RIMBP2: variants seen among roughly 807,000 people sequenced by gnomAD.
RIMBP2 encodes the protein RIMS binding protein 2.
A neutral mutation model predicts 118.6 loss-of-function variants in RIMBP2; 48 were observed. The observed-to-expected ratio is 0.40, with a 90% CI of 0.32 to 0.51. RIMBP2 has a LOEUF of 0.51. Ranked by LOEUF, RIMBP2 falls within the 20% of genes least tolerant of loss-of-function variation. The pLI is 0.41. For synonymous variants in RIMBP2, 762 were observed against 742.9 expected, an observed-to-expected ratio of 1.03 and a Z score of -0.42; for missense variants, 1,551 against 1,768.3, an observed-to-expected ratio of 0.88 and a Z score of 2.20.
At position 130,622,108 on chromosome 12, in the gene RIMBP2, A is replaced by G. The variant is rs976462754; in HGVS notation, c.-217+6214T>C. ...CATTTTAACTAGACATTTCCGCACA[A>G]ATAAAATTAGGCCGAGACAGTTAGT... On this transcript the variant is annotated intron_variant, in intron 2 of 22. Transcript: ENST00000690449. The surrounding 1 kb of genome is among the most constrained non-coding windows in gnomAD (Gnocchi z 8.5). Among the ~76,000 whole-genome samples the G allele has an allele frequency of 6.6e-6, 1 of 152,210 alleles. No individual in the cohort carries two copies. Among genetic ancestry groups the G allele is most frequent in the African/African-American group, 2.4e-5 (1 of 41,460 alleles).
At chr12:130,655,595 G>A (rs1373402453) in intron 1 of RIMBP2, among the ~76,000 whole-genome samples, 2 of 152,162 alleles carry the variant, frequency 1.3e-5, no homozygotes, top group South Asian at 2.1e-4. Context: ...TATGATCTAT[G>A]TTTGTAAATG....
intron 17 of RIMBP2, among the ~76,000 whole-genome samples, chr12:130,417,130 A>G (rs895829582): frequency 3.3e-5 from 5 of 152,224 alleles, no homozygotes; most frequent in East Asian, 1.9e-4. Context: ...TTAAAAATGT[A>G]TATACCATTG....
At chr12:130,618,717 C>T (rs1036754805) in intron 2 of RIMBP2, among the ~76,000 whole-genome samples, 5 of 152,138 alleles carry the variant, frequency 3.3e-5, no homozygotes, top group Non-Finnish European at 7.3e-5. Flanking sequence ...TAGACGGAAA[C>T]ATCTTTATAG....
intron 1 of RIMBP2, among the ~76,000 whole-genome samples, chr12:130,639,487 C>CAAAAAAAAAAAA (rs138670754): frequency 4.5e-5 from 4 of 88,086 alleles, no homozygotes; most frequent in African/African-American, 1.5e-4. Flanking sequence ...GATCCTGCCT[C>CAAAAAAAAAAAA]AAAAAAAAAA....
At position 130,511,687 on chromosome 12, in the gene RIMBP2, C is replaced by T. The variant is rs1270195216; in HGVS notation, c.-126-4917G>A. 6.6e-6 allele frequency among the ~76,000 whole-genome samples: 1 copy of T among 152,214 alleles called. No homozygotes were observed. The highest frequency in any genetic ancestry group is 6.5e-5 in the Admixed American group (1 of 15,292). ...GACTGAGACCGTCTGTGACACGGTT[C>T]TGATGAGCCTGGAGCAGAAATCTCT... is the stretch of plus-strand genomic sequence containing the variant. On this transcript the variant is annotated intron_variant, in intron 3 of 22. Transcript: ENST00000690449. This position sits in a 1 kb window ranked among gnomAD's most constrained non-coding sequence, Gnocchi z 4.3.
At chr12:130,470,835 C>G in intron 5 of RIMBP2, 92 bp from the exon 6 acceptor site, 1 of 650,550 alleles carries the variant, frequency 1.5e-6, no homozygotes, top group Non-Finnish European at 2.2e-6. Flanking sequence ...GGTGGGGGAT[C>G]ATTTATTTTT....
At chr12:130,439,427 G>A (rs1423097792) in intron 11 of RIMBP2, among the ~76,000 whole-genome samples, 1 of 149,232 alleles carries the variant, frequency 6.7e-6, no homozygotes, top group Non-Finnish European at 1.5e-5. Context: ...ATGGGTATAT[G>A]TGTATGTGGG....
intron 2 of RIMBP2, among the ~76,000 whole-genome samples, chr12:130,568,935 T>C (rs1265601869): frequency 6.6e-6 from 1 of 151,980 alleles, no homozygotes; most frequent in African/African-American, 2.4e-5. Context: ...CCACGTGCCC[T>C]CCTCACACAG....
intron 4 of RIMBP2, among the ~76,000 whole-genome samples, chr12:130,481,922 ACCC>A (rs931647698): frequency 4.6e-5 from 6 of 130,906 alleles, no homozygotes; most frequent in African/African-American, 1.7e-4. Flanking sequence ...TTTCCCCCCG[ACCC>A]CCCAAGCCGC....
At chr12:130,426,824 AAAAGGAAAG>A (rs1428489533) in intron 15 of RIMBP2, 1 of 151,930 alleles carries the variant, frequency 6.6e-6, no homozygotes, top group African/African-American at 2.4e-5. Context: ...TTCCTCCATC[AAAAGGAAAG>A]GCATCAGGGG....
chr12:130,531,592 A>C (rs1306890658), intron 2 of RIMBP2, among the ~76,000 whole-genome samples: 1 of 152,252 alleles, frequency 6.6e-6, no homozygotes, highest in Non-Finnish European at 1.5e-5. Flanking sequence ...GGATGATTCC[A>C]GTTTGAGACC....
At chr12:130,505,107 C>A (rs965830316) in intron 4 of RIMBP2, among the ~76,000 whole-genome samples, 4 of 152,164 alleles carry the variant, frequency 2.6e-5, no homozygotes, top group African/African-American at 9.7e-5. Context: ...GTCATCGAGG[C>A]AGCTGCTTAA....
At chr12:130,399,626 C>T (rs2074337785) in intron 22 of RIMBP2, 53 bp downstream of exon 22, 37 of 1,596,132 alleles carry the variant, frequency 2.3e-5, no homozygotes, top group Non-Finnish European at 3.2e-5. Flanking sequence ...TTGTATTAGA[C>T]CACATATGGC....
rs370561648 is a variant in RIMBP2 at position 130,708,619 on chromosome 12, G to C, written c.-352+7603C>G. On this transcript the variant is annotated intron_variant, in intron 1 of 22. Coordinates refer to ENST00000690449, the MANE Select transcript of RIMBP2 (RefSeq NM_001393629.1). ...GGAGGATCACCTCAGCCTGTAGGTC[G>C]AGGCTGCAGTGAACCGGGATTATGC... 2.6e-4 allele frequency among the ~76,000 whole-genome samples: 39 copies of C among 152,220 alleles called. No individual in the cohort carries two copies. The East Asian group carries it at 2.9e-3, about 11-fold the overall frequency.
intron 2 of RIMBP2, among the ~76,000 whole-genome samples, chr12:130,543,320 C>A (rs2139588692): frequency 6.6e-6 from 1 of 152,250 alleles, no homozygotes; most frequent in South Asian, 2.1e-4. Flanking sequence ...TAGCCATGTG[C>A]CCCCAAATAT....
At chr12:130,408,461 G>A (rs1246983138) in intron 19 of RIMBP2, among the ~76,000 whole-genome samples, 1 of 152,224 alleles carries the variant, frequency 6.6e-6, no homozygotes, top group Non-Finnish European at 1.5e-5. Context: ...AGTCGACTTA[G>A]AGGTGCATTC....
intron 7 of RIMBP2, among the ~76,000 whole-genome samples, chr12:130,451,706 G>C (rs562030512): frequency 1.3e-5 from 2 of 152,272 alleles, no homozygotes; most frequent in African/African-American, 4.8e-5. Context: ...GCACCTGCGA[G>C]AGGAACGCTC....
chr12:130,509,976 G>T (rs11612368), intron 3 of RIMBP2, among the ~76,000 whole-genome samples: 3,686 of 152,236 alleles, frequency 0.024, 69 homozygotes, highest in Middle Eastern at 0.034. Context: ...TGGGTTTCAG[G>T]CTCCATGTGC....
At chr12:130,516,436 G>A (rs757205466) in intron 3 of RIMBP2, among the ~76,000 whole-genome samples, 2 of 152,196 alleles carry the variant, frequency 1.3e-5, no homozygotes, top group Admixed American at 6.5e-5. Flanking sequence ...CCACATTCTC[G>A]TAGGAGACAG....
Sources: gnomAD v4.1 joint callset for allele counts (sites outside exome capture counted in the v4.1 genomes callset) on GRCh38, gnomAD v4.1.1 for gene constraint, Gnocchi (gnomAD v3.1) non-coding constraint, MANE v1.5 for transcripts, NCBI Gene and HGNC (gene_info 2026-07-23, HGNC 2026-07-21) for gene names.